The following ZC3HAV1 variants were observed in gnomAD, a reference collection of about 807,000 sequenced individuals.
ZC3HAV1 encodes zinc finger CCCH-type antiviral protein 1.
Under a neutral mutation model 86.6 loss-of-function variants are expected in ZC3HAV1, and 41 were observed. That is an observed-to-expected ratio of 0.47 (90% CI 0.37 to 0.61). ZC3HAV1 has a LOEUF of 0.61. ZC3HAV1 is among the 20% of genes least tolerant of loss of function. The probability of loss-of-function intolerance (pLI) is 0.00; values close to 1 mark genes in which losing one functional copy is unlikely to be tolerated. For missense variants in ZC3HAV1, 964 were observed against 1,141.1 expected, an observed-to-expected ratio of 0.84 and a Z score of 2.24; for synonymous variants, 421 against 432.1, an observed-to-expected ratio of 0.97 and a Z score of 0.32.
intron 7 of ZC3HAV1, among the ~76,000 whole-genome samples, chr7:139,066,070 C>A (rs908468876): frequency 4.6e-5 from 7 of 152,054 alleles, no homozygotes; most frequent in Non-Finnish European, 7.4e-5. Flanking sequence ...TGCCCTCATT[C>A]CTCATTCCGT....
rs575407810 is a variant in ZC3HAV1, at chr7:139,108,604, G to C, written c.308+420C>G. ...TGGGTTACTGGCTCCGCCACGTCTA[G>C]GGAAGGAGGTAGTAGGGAGGGAAAG... On this transcript the variant is annotated intron_variant, in intron 1 of 12. Coordinates refer to ENST00000242351, the MANE Select transcript of ZC3HAV1 (RefSeq NM_020119.4). The surrounding 1 kb of genome is among the most constrained non-coding windows in gnomAD (Gnocchi z 4.2). 6.6e-6 allele frequency among the ~76,000 whole-genome samples: 1 copy of C among 152,240 alleles called. No homozygotes were observed. Among genetic ancestry groups the C allele is most frequent in the Non-Finnish European group, 1.5e-5 (1 of 68,038 alleles).
rs1464358589 is a variant in ZC3HAV1, at chr7:139,065,192, GAA to G, written c.1873-195_1873-194del. Among the ~76,000 whole-genome samples the G allele has an allele frequency of 2.0e-5, 3 of 152,302 alleles. No homozygotes were observed. The East Asian group carries it at 5.8e-4, about 29-fold the overall frequency. ...TCTCTATCATGGTACCCTAGAGAGA[GAA>G]GTCTATCCTGCAGAAACTCACTACA... On this transcript the variant is annotated intron_variant, in intron 7 of 12. Transcript: ENST00000242351.
At position 139,079,927 on chromosome 7, in the gene ZC3HAV1, G is replaced by A. The variant is rs369685299; in HGVS notation, c.1014C>T (p.Asp338=). The part of the protein sequence containing the change: ...QRFLENGSQE[D]LLHGNPGSTY... ...TGCTGCCTGGATTTCCATGCAAGAG[G>A]TCCTCTTGACTGCCGTTCTCTAAAA... is the stretch of plus-strand genomic sequence containing the variant. The change falls in exon 4 of 13, where the codon GAC becomes GAT. Residue 338 remains aspartate, a synonymous_variant. Coordinates refer to ENST00000242351, the MANE Select transcript of ZC3HAV1 (RefSeq NM_020119.4). 2.5e-5 allele frequency: 41 copies of A among 1,614,190 alleles called. No individual in the cohort carries two copies. In the African/African-American group the frequency reaches 4.9e-4, roughly 19 times the overall value.
At position 139,044,066 on chromosome 7, in the gene ZC3HAV1, C is replaced by G. The variant is rs1030996819; in HGVS notation, c.*3528G>C. 3 of 152,316 alleles carry G rather than the reference C, an allele frequency of 2.0e-5. No homozygotes were observed. The highest frequency in any genetic ancestry group is 3.9e-4 in the East Asian group (2 of 5,184). 9.4% of individuals were successfully genotyped at this position (152,316 alleles called of 1,614,324 possible). The stretch of plus-strand genomic sequence containing the variant: ...ACGAAGAATTATTCTGTACCCTGTA[C>G]GACTGTCTAATGTCCTGCTGGACAT... On this transcript the variant is annotated 3_prime_UTR_variant, in exon 13 of 13. Coordinates refer to ENST00000242351, the MANE Select transcript of ZC3HAV1 (RefSeq NM_020119.4).
At chr7:139,090,690 C>G (rs909590516) in intron 1 of ZC3HAV1, among the ~76,000 whole-genome samples, 1 of 152,124 alleles carries the variant, frequency 6.6e-6, no homozygotes, top group African/African-American at 2.4e-5. Flanking sequence ...GCAAAATGAT[C>G]TTATTGAAAT....
intron 12 of ZC3HAV1, among the ~76,000 whole-genome samples, chr7:139,049,141 T>TC (rs559718504): frequency 9.6e-6 from 1 of 104,564 alleles, no homozygotes; most frequent in African/African-American, 3.7e-5. Flanking sequence ...TTTTTTTTTT[T>TC]TTCGTTGTTG....
chr7:139,086,145 C>A (rs1817268043), intron 2 of ZC3HAV1, among the ~76,000 whole-genome samples: 1 of 152,134 alleles, frequency 6.6e-6, no homozygotes, highest in Non-Finnish European at 1.5e-5. Context: ...ACTCCTCCTG[C>A]CAAAGCCCTA....
intron 2 of ZC3HAV1, among the ~76,000 whole-genome samples, chr7:139,086,746 TGTTCTCATGATAGTGA>T (rs1335395083): frequency 6.6e-6 from 1 of 152,238 alleles, no homozygotes; most frequent in Non-Finnish European, 1.5e-5. Context: ...CCCATTCTAC[TGTTCTCATGATAGTGA>T]GTTCTCACAA....
At chr7:139,093,574 G>T (rs1817492306) in intron 1 of ZC3HAV1, among the ~76,000 whole-genome samples, 1 of 152,114 alleles carries the variant, frequency 6.6e-6, no homozygotes, top group Non-Finnish European at 1.5e-5. Flanking sequence ...TCCTTCTCCT[G>T]GCTCATCCTG....
At position 139,046,237 on chromosome 7, in the gene ZC3HAV1, C is replaced by T. The variant is rs1815952146; in HGVS notation, c.*1357G>A. 1 of 152,162 alleles carries T rather than the reference C, an allele frequency of 6.6e-6. No homozygotes were observed. Among genetic ancestry groups the T allele is most frequent in the African/African-American group, 2.4e-5 (1 of 41,424 alleles). 9.4% of individuals were successfully genotyped at this position (152,162 alleles called of 1,614,324 possible). A position where few individuals can be genotyped will look rare whatever the true frequency, so the allele number is the denominator to read the frequency against. On this transcript the variant is annotated 3_prime_UTR_variant, in exon 13 of 13. Transcript: ENST00000242351. ...TGGAAAAAGAAGCTCCTGGTAGACA[C>T]AGGGCCTCTTTGGGATATTGTTCTT...
chr7:139,103,002 T>C (rs1817821277), intron 1 of ZC3HAV1, among the ~76,000 whole-genome samples: 1 of 149,910 alleles, frequency 6.7e-6, no homozygotes. Flanking sequence ...ATGATATATA[T>C]AAAATAAAAA....
In ZC3HAV1 at chr7:139,104,721, CAAAAAAAAA is replaced by C. The variant is rs1157897700; in HGVS notation, c.308+4294_308+4302del. On this transcript the variant is annotated intron_variant, in intron 1 of 12. Coordinates refer to ENST00000242351, the MANE Select transcript of ZC3HAV1 (RefSeq NM_020119.4). ...CTGGCAACAGAGCGAGACTCTGTCA[CAAAAAAAAA>C]AAAAAAAAAAAAAAAAGTCAAACAA... Among the ~76,000 whole-genome samples, 5 of 19,252 alleles carry C rather than the reference CAAAAAAAAA, an allele frequency of 2.6e-4. 1 individual carries two copies. In the South Asian group the frequency reaches 9.6e-3, roughly 37 times the overall value. The allele number at this position is 19,252 out of a possible 152,430, so 12.6% of individuals were successfully genotyped here.
intron 1 of ZC3HAV1, among the ~76,000 whole-genome samples, chr7:139,094,440 A>G (rs117382192): frequency 1.3e-4 from 19 of 150,806 alleles, no homozygotes; most frequent in African/African-American, 4.7e-4. Context: ...TGCTACCCAC[A>G]CTTGGAGCAG....
rs556052966 is a variant in ZC3HAV1 at position 139,084,000 on chromosome 7, C to T, written c.477G>A (p.Gln159=). The change falls in exon 3 of 13, where the codon CAG becomes CAA. Residue 159 remains glutamine (Q), a synonymous_variant. Coordinates refer to ENST00000242351, the MANE Select transcript of ZC3HAV1 (RefSeq NM_020119.4). ...ICKSYKGEGR[Q]QICNQQPPCS... is the part of the protein sequence containing the mutation. Reference sequence around the variant, plus strand: ...ACGGTGGCTGCTGGTTACAAATCTGCTGCCGACCCTCTCCCTTATAACTTT... The same window carrying T: ...ACGGTGGCTGCTGGTTACAAATCTGTTGCCGACCCTCTCCCTTATAACTTT... The T allele has an allele frequency of 3.9e-5, 63 of 1,614,122 alleles. No individual in the cohort carries two copies. In the East Asian group the frequency reaches 1.3e-3, roughly 33 times the overall value.
intron 4 of ZC3HAV1, chr7:139,079,196 G>A: frequency 6.5e-7 from 1 of 1,536,316 alleles, no homozygotes; most frequent in Non-Finnish European, 8.7e-7. Context: ...CCAGACTGCA[G>A]CTCTGTTGCT....
At chr7:139,084,735 G>C (rs141146950) in intron 2 of ZC3HAV1, among the ~76,000 whole-genome samples, 7 of 152,202 alleles carry the variant, frequency 4.6e-5, no homozygotes, top group Non-Finnish European at 7.3e-5. Flanking sequence ...AAACCAAGTT[G>C]TTAAGCAGAC....
At chr7:139,082,260 C>T (rs1254598380) in intron 3 of ZC3HAV1, among the ~76,000 whole-genome samples, 1 of 151,374 alleles carries the variant, frequency 6.6e-6, no homozygotes, top group African/African-American at 2.4e-5. Flanking sequence ...CAGAGTGAGA[C>T]TCTGTCTCAA....
chr7:139,060,170 A>C lies in ZC3HAV1; in HGVS notation c.2096+866T>G, dbSNP rs527859052. Reference sequence around the variant, plus strand: ...CTTAGATTCTTGCGAGTTGTTTTCCATATGACTTCATAGTTATTTATCTTT... The same window carrying C: ...CTTAGATTCTTGCGAGTTGTTTTCCCTATGACTTCATAGTTATTTATCTTT... On this transcript the variant is annotated intron_variant, in intron 9 of 12. Transcript: ENST00000242351. Among the ~76,000 whole-genome samples the C allele has an allele frequency of 1.7e-4, 26 of 152,334 alleles. No homozygotes were observed. In the East Asian group the frequency reaches 4.8e-3, roughly 28 times the overall value.
Position 139,079,964 on chromosome 7 carries a change from G to C in ZC3HAV1, c.977C>G (p.Thr326Arg), listed in dbSNP as rs1204834293. 3 of 1,614,056 alleles carry C rather than the reference G, an allele frequency of 1.9e-6. No homozygotes were observed. The highest frequency in any genetic ancestry group is 2.5e-6 in the Non-Finnish European group (3 of 1,180,042). ...TDLGGTSQAG[T>R]SQRFLENGSQ... ...GCCGTTCTCTAAAAACCTCTGGCTTGTCCCGGCCTGACTTGTTCCTCCAAG... is the reference window on the plus strand; with the variant it reads ...GCCGTTCTCTAAAAACCTCTGGCTTCTCCCGGCCTGACTTGTTCCTCCAAG... Residue 326 changes from threonine to arginine, a missense_variant, in exon 4 of 13, where the codon ACA becomes AGA. Transcript: ENST00000242351.
Sources: allele counts gnomAD v4.1 joint callset (sites outside exome capture counted in the v4.1 genomes callset), GRCh38; gene constraint gnomAD v4.1.1; non-coding constraint Gnocchi (gnomAD v3.1); transcripts MANE v1.5; gene names NCBI Gene and HGNC (gene_info 2026-07-23, HGNC 2026-07-21).